TIMP3: variants seen among roughly 807,000 people sequenced by gnomAD.
TIMP3 encodes metalloproteinase inhibitor 3.
Under a neutral mutation model 30.0 loss-of-function variants are expected in TIMP3, and 11 were observed. That is an observed-to-expected ratio of 0.37 (90% CI 0.23 to 0.61). The LOEUF (loss-of-function observed/expected upper bound fraction) is 0.61, where lower values mean the gene tolerates loss of function less well. TIMP3 is among the 20% of genes least tolerant of loss of function. The pLI is 0.70. For missense variants in TIMP3, 181 were observed against 276.8 expected (o/e 0.65, Z 2.45); for synonymous variants, 112 against 111.3 (o/e 1.01, Z -0.04).
intron 2 of TIMP3, among the ~76,000 whole-genome samples, chr22:32,852,513 T>G (rs915823954): frequency 6.6e-6 from 1 of 152,162 alleles, no homozygotes; most frequent in African/African-American, 2.4e-5. Flanking sequence ...TGGGAGACTT[T>G]GTTCTAGCAG....
chr22:32,819,090 G>A (rs2047165857), intron 1 of TIMP3, among the ~76,000 whole-genome samples: 1 of 152,260 alleles, frequency 6.6e-6, no homozygotes, highest in Non-Finnish European at 1.5e-5. Flanking sequence ...CTGCCACTTG[G>A]CCAGGGGGTC....
chr22:32,811,824 C>T (rs1476705440), intron 1 of TIMP3, among the ~76,000 whole-genome samples: 1 of 152,194 alleles, frequency 6.6e-6, no homozygotes, highest in African/African-American at 2.4e-5. Flanking sequence ...CAACACTTGT[C>T]AAGGATCTGG....
intron 1 of TIMP3, among the ~76,000 whole-genome samples, chr22:32,841,695 A>G (rs1601514446): frequency 6.6e-6 from 1 of 151,556 alleles, no homozygotes; most frequent in Non-Finnish European, 1.5e-5. Flanking sequence ...TGGGTGGGGT[A>G]GGGGAGGGAG....
intron 2 of TIMP3, among the ~76,000 whole-genome samples, chr22:32,852,514 G>A (rs551934084): frequency 6.6e-6 from 1 of 152,308 alleles, no homozygotes; most frequent in East Asian, 1.9e-4. Flanking sequence ...GGGAGACTTT[G>A]TTCTAGCAGA....
At chr22:32,809,778 A>G (rs1433854063) in intron 1 of TIMP3, among the ~76,000 whole-genome samples, 1 of 152,194 alleles carries the variant, frequency 6.6e-6, no homozygotes, top group Admixed American at 6.5e-5. Flanking sequence ...TTCCTGGGTG[A>G]TTGCATTGTC....
intron 1 of TIMP3, among the ~76,000 whole-genome samples, chr22:32,832,521 T>C (rs997364053): frequency 1.1e-4 from 17 of 151,026 alleles, no homozygotes; most frequent in Middle Eastern, 3.2e-3. Context: ...TATTCAATAC[T>C]TTCTACGTAA....
intron 2 of TIMP3, among the ~76,000 whole-genome samples, chr22:32,855,123 C>T (rs574542131): frequency 1.3e-3 from 201 of 152,308 alleles, no homozygotes; most frequent in Non-Finnish European, 2.4e-3. Context: ...GCCCAGAGAC[C>T]ACCAGCAGTC....
At chr22:32,847,740 G>A (rs2048109355) in intron 1 of TIMP3, among the ~76,000 whole-genome samples, 1 of 152,214 alleles carries the variant, frequency 6.6e-6, no homozygotes, top group South Asian at 2.1e-4. Context: ...TACTTAACAA[G>A]CATTTATTGA....
At chr22:32,823,629 G>A (rs930182393) in intron 1 of TIMP3, among the ~76,000 whole-genome samples, 11 of 152,324 alleles carry the variant, frequency 7.2e-5, no homozygotes, top group African/African-American at 1.9e-4. Context: ...TTAGGGGGCC[G>A]TGAGTGCAGG....
At chr22:32,831,123 G>A (rs2047562269) in intron 1 of TIMP3, among the ~76,000 whole-genome samples, 1 of 152,194 alleles carries the variant, frequency 6.6e-6, no homozygotes, top group Non-Finnish European at 1.5e-5. Flanking sequence ...TTGAAGTTGA[G>A]ATCAAGGTGG....
chr22:32,844,815 A>G (rs2048015351), intron 1 of TIMP3, among the ~76,000 whole-genome samples: 1 of 151,912 alleles, frequency 6.6e-6, no homozygotes, highest in South Asian at 2.1e-4. Context: ...GGCTCAAGCA[A>G]TCCTCCCACC....
intron 2 of TIMP3, among the ~76,000 whole-genome samples, chr22:32,855,074 AAAG>A (rs1394757434): frequency 6.6e-6 from 1 of 152,242 alleles, no homozygotes; most frequent in East Asian, 1.9e-4. Context: ...GCCAGGAAGT[AAAG>A]TAGAGGCATT....
Position 32,862,205 on chromosome 22 carries a change from G to A in TIMP3, c.*2828G>A, listed in dbSNP as rs2048563118. 1 of 152,234 alleles carries A rather than the reference G, an allele frequency of 6.6e-6. No homozygotes were observed. The highest frequency in any genetic ancestry group is 2.4e-5 in the African/African-American group (1 of 41,448). The allele number at this position is 152,234 out of a possible 1,614,324, so 9.4% of individuals were successfully genotyped here. ...GCTGCCCATCCAGTTGGGAAGCCATGATTTTCCTAAGAATCCAGGGCCATG... is the reference window on the plus strand; with the variant it reads ...GCTGCCCATCCAGTTGGGAAGCCATAATTTTCCTAAGAATCCAGGGCCATG... On this transcript the variant is annotated 3_prime_UTR_variant, in exon 5 of 5. Transcript: ENST00000266085.
At position 32,803,127 on chromosome 22, in the gene TIMP3, C is replaced by T. The variant is rs1005351390; in HGVS notation, c.121+1005C>T. ...CCTCCTTTCCAGCCCATAAAGCGTG[C>T]AAGTCCAGTGGCTCTGCTGGGAGAG... On this transcript the variant is annotated intron_variant, in intron 1 of 4. Coordinates refer to ENST00000266085, the MANE Select transcript of TIMP3 (RefSeq NM_000362.5). 4.6e-5 allele frequency among the ~76,000 whole-genome samples: 7 copies of T among 152,278 alleles called. No homozygotes were observed. In the East Asian group the frequency reaches 5.8e-4, roughly 13 times the overall value.
At chr22:32,814,107 CGTGT>C (rs130279) in intron 1 of TIMP3, among the ~76,000 whole-genome samples, 2,575 of 97,642 alleles carry the variant, frequency 0.026, 107 homozygotes, top group African/African-American at 0.09. Context: ...AGGCAATACT[CGTGT>C]GTGTGTGTGT....
intron 1 of TIMP3, among the ~76,000 whole-genome samples, chr22:32,822,541 T>C (rs1435359036): frequency 6.6e-6 from 1 of 152,252 alleles, no homozygotes; most frequent in Admixed American, 6.5e-5. Flanking sequence ...GCAATCTTAC[T>C]TCTAGAAATT....
At chr22:32,844,209 G>T (rs184761640) in intron 1 of TIMP3, among the ~76,000 whole-genome samples, 12 of 152,272 alleles carry the variant, frequency 7.9e-5, no homozygotes, top group African/African-American at 2.6e-4. Flanking sequence ...TTGGATGGGG[G>T]ATAGAAGCAG....
intron 1 of TIMP3, among the ~76,000 whole-genome samples, chr22:32,829,007 TGGA>T (rs1411998027): frequency 6.6e-6 from 1 of 152,170 alleles, no homozygotes; most frequent in Non-Finnish European, 1.5e-5. Context: ...TCTTGAGGGT[TGGA>T]GGAGACTACC....
At chr22:32,832,618 T>A (rs2047608946) in intron 1 of TIMP3, among the ~76,000 whole-genome samples, 1 of 152,016 alleles carries the variant, frequency 6.6e-6, no homozygotes, top group Admixed American at 6.5e-5. Flanking sequence ...TACGTAGAGT[T>A]ATTCACTAAA....
Sources: allele counts gnomAD v4.1 joint callset (sites outside exome capture counted in the v4.1 genomes callset), GRCh38; gene constraint gnomAD v4.1.1; transcripts MANE v1.5; gene names NCBI Gene and HGNC (gene_info 2026-07-23, HGNC 2026-07-21).